ELMO1: variants seen among roughly 807,000 people sequenced by gnomAD.
ELMO1 encodes engulfment and cell motility protein 1.
In ELMO1, 26 loss-of-function variants were observed where a neutral mutation model predicts 98.9. That is an observed-to-expected ratio of 0.26 (90% confidence interval 0.19 to 0.36). The LOEUF is 0.36. Ranked by LOEUF, ELMO1 falls within the 10% of genes least tolerant of loss-of-function variation. ELMO1 has a pLI of 1.00. For missense variants in ELMO1, 627 were observed against 935.2 expected, an observed-to-expected ratio of 0.67 and a Z score of 4.30; for synonymous variants, 346 against 346.0, an observed-to-expected ratio of 1.00 and a Z score of 0.00.
intron 13 of ELMO1, among the ~76,000 whole-genome samples, chr7:37,195,907 A>G (rs756833844): frequency 6.6e-6 from 1 of 152,234 alleles, no homozygotes; most frequent in African/African-American, 2.4e-5. Flanking sequence ...AGATAAATAT[A>G]TTAAAGGGCT....
intron 14 of ELMO1, among the ~76,000 whole-genome samples, chr7:37,118,508 T>A (rs1456037086): frequency 6.6e-6 from 1 of 152,234 alleles, no homozygotes; most frequent in Non-Finnish European, 1.5e-5. Flanking sequence ...GCCTGCTTTC[T>A]GGGAGTTTAC....
intron 16 of ELMO1, among the ~76,000 whole-genome samples, chr7:36,980,720 A>G (rs1314745796): frequency 1.3e-5 from 2 of 152,226 alleles, no homozygotes; most frequent in African/African-American, 4.8e-5. Context: ...TACGTATGTG[A>G]TGTTCAGCTA....
intron 14 of ELMO1, among the ~76,000 whole-genome samples, chr7:37,109,881 G>A (rs1431231125): frequency 2.0e-5 from 3 of 152,196 alleles, no homozygotes; most frequent in East Asian, 1.9e-4. Flanking sequence ...CAAGATGCAT[G>A]GGACATTTCT....
chr7:37,374,847 G>A (rs1183523751), intron 1 of ELMO1, among the ~76,000 whole-genome samples: 1 of 152,104 alleles, frequency 6.6e-6, no homozygotes, highest in Non-Finnish European at 1.5e-5. Flanking sequence ...TGGATCATGA[G>A]GTCAGGAATT....
intron 16 of ELMO1, chr7:36,986,421 A>C (rs1791512296): frequency 4.8e-6 from 1 of 209,502 alleles, no homozygotes; most frequent in African/African-American, 2.4e-5. Flanking sequence ...TATATCCCCC[A>C]CTTTTTCTTA....
chr7:37,010,423 T>C (rs1363614185), intron 16 of ELMO1, among the ~76,000 whole-genome samples: 1 of 152,166 alleles, frequency 6.6e-6, no homozygotes, highest in African/African-American at 2.4e-5. Flanking sequence ...AACTTTAAGA[T>C]GGGAAGATGA....
intron 13 of ELMO1, among the ~76,000 whole-genome samples, chr7:37,154,599 GA>G (rs1479856123): frequency 2.0e-5 from 3 of 152,156 alleles, no homozygotes; most frequent in African/African-American, 7.2e-5. Context: ...AAAAGAGCGA[GA>G]AGACAAGATC....
intron 2 of ELMO1, among the ~76,000 whole-genome samples, chr7:37,322,883 T>C (rs1278567783): frequency 1.3e-5 from 2 of 152,216 alleles, no homozygotes; most frequent in Non-Finnish European, 2.9e-5. Flanking sequence ...CCATAATTTA[T>C]ACAAATCATC....
intron 15 of ELMO1, among the ~76,000 whole-genome samples, chr7:37,013,803 C>T (rs952327748): frequency 6.6e-6 from 1 of 152,188 alleles, no homozygotes; most frequent in Non-Finnish European, 1.5e-5. Context: ...ACAGCTCCTC[C>T]GTCACCCTCA....
At chr7:36,993,997 G>A (rs1792036300) in intron 16 of ELMO1, among the ~76,000 whole-genome samples, 1 of 152,176 alleles carries the variant, frequency 6.6e-6, no homozygotes, top group South Asian at 2.1e-4. Flanking sequence ...AACATACACT[G>A]AGAAAACATA....
intron 15 of ELMO1, among the ~76,000 whole-genome samples, chr7:37,018,472 T>C (rs2129177133): frequency 6.6e-6 from 1 of 151,942 alleles, no homozygotes; most frequent in South Asian, 2.1e-4. Context: ...TAGTAAATGG[T>C]AGCTATTAGT....
chr7:37,334,562 CTA>C (rs1001167732), intron 2 of ELMO1, among the ~76,000 whole-genome samples: 3 of 152,156 alleles, frequency 2.0e-5, no homozygotes, highest in South Asian at 2.1e-4. Flanking sequence ...CTTTGAATAA[CTA>C]TGAAGTAGGG....
At chr7:36,900,039 C>T (rs891847353) in intron 16 of ELMO1, among the ~76,000 whole-genome samples, 1 of 152,188 alleles carries the variant, frequency 6.6e-6, no homozygotes, top group Non-Finnish European at 1.5e-5. Context: ...GCCACACTTG[C>T]ATCAGCTGGC....
intron 15 of ELMO1, among the ~76,000 whole-genome samples, chr7:37,037,068 T>A (rs1408276122): frequency 6.6e-6 from 1 of 152,132 alleles, no homozygotes; most frequent in Non-Finnish European, 1.5e-5. Context: ...TACTACAGAA[T>A]AAAAGATATT....
intron 13 of ELMO1, among the ~76,000 whole-genome samples, chr7:37,135,462 GCACAGAGTC>G (rs1429429130): frequency 6.6e-6 from 1 of 152,122 alleles, no homozygotes; most frequent in Non-Finnish European, 1.5e-5. Context: ...CCAAGGACCC[GCACAGAGTC>G]CACTTCACTC....
At chr7:37,316,088 T>C (rs543923466) in intron 2 of ELMO1, 128 bp from the exon 3 acceptor site, 21 of 729,596 alleles carry the variant, frequency 2.9e-5, no homozygotes, top group Admixed American at 2.4e-4. Flanking sequence ...TTAGTTGTTG[T>C]CAATGAGTCT....
At chr7:37,039,966 A>G (rs540208451) in intron 15 of ELMO1, among the ~76,000 whole-genome samples, 7 of 152,300 alleles carry the variant, frequency 4.6e-5, no homozygotes, top group African/African-American at 1.7e-4. Context: ...GTAATGTAAC[A>G]TTACATTGTA....
chr7:37,211,477 A>G lies in ELMO1; in HGVS notation c.995T>C (p.Phe332Ser). 2 of 1,614,078 alleles carry G rather than the reference A, an allele frequency of 1.2e-6. No individual in the cohort carries two copies. Among genetic ancestry groups the G allele is most frequent in the Non-Finnish European group, 1.7e-6 (2 of 1,179,982 alleles). ...GTTGTTAGGTTCAGACTCAGCATCA[A>G]AAGCAATTCTTCGAAGTTCAAATAT... ...DIIFELRRIA[F>S]DAESEPNNSS... The change falls in exon 13 of 22, where the codon TTT becomes TCT. Residue 332 changes from phenylalanine (F) to serine (S), a missense_variant. Physicochemically the swap from Phe to Ser is radical, Grantham distance 155 (BLOSUM62 -2). This residue lies in a region of ELMO1 where 492 missense variants were observed against 715.6 expected (regional missense o/e 0.69). Coordinates refer to ENST00000310758, the MANE Select transcript of ELMO1 (RefSeq NM_014800.11).
intron 1 of ELMO1, among the ~76,000 whole-genome samples, chr7:37,395,367 C>CAAAAAAAAA: frequency 1.5e-5 from 1 of 66,188 alleles, no homozygotes; most frequent in Non-Finnish European, 2.7e-5. Context: ...AACTCCATCT[C>CAAAAAAAAA]AAAAAAAAAA....
Sources: gnomAD v4.1 joint callset for allele counts (sites outside exome capture counted in the v4.1 genomes callset) on GRCh38, gnomAD v4.1.1 for gene constraint, gnomAD v4.1.1 regional missense constraint, MANE v1.5 for transcripts, NCBI Gene and HGNC (gene_info 2026-07-23, HGNC 2026-07-21) for gene names.